The following MROH1 variants were observed in gnomAD, a reference collection of about 807,000 sequenced individuals.
The protein encoded by MROH1 is maestro heat like repeat family member 1.
MROH1 carries 117 observed loss-of-function variants against 116.5 expected under a neutral mutation model. That is an observed-to-expected ratio of 1.00 (90% confidence interval 0.86 to 1.17). MROH1 has a LOEUF of 1.17. MROH1 is among the 50% of genes most tolerant of loss of function. MROH1 has a pLI of 0.00. For missense variants in MROH1, 1,873 were observed against 1,338.5 expected (o/e 1.40, Z -6.23); for synonymous variants, 921 against 583.9 (o/e 1.58, Z -8.32).
chr8:144,240,630 GAGCTGTGCAGGC>G lies in MROH1; in HGVS notation c.1894_1905del (p.Cys632_Leu635del). The G allele has an allele frequency of 1.4e-6, 1 of 717,644 alleles. No homozygotes were observed. Among genetic ancestry groups the G allele is most frequent in the East Asian group, 2.7e-5 (1 of 37,302 alleles). The allele number at this position is 717,644 out of a possible 1,614,324, so 44.5% of individuals were successfully genotyped here. A position where few individuals can be genotyped will look rare whatever the true frequency, so the allele number is the denominator to read the frequency against. The stretch of plus-strand genomic sequence containing the variant: ...CGCGTGGATCTGCCAGCTGAGCCTG[GAGCTGTGCAGGC>G]AGCTGCCCTGCTACGATGAGGCACC... On this transcript the variant is annotated inframe_deletion, in exon 20 of 44. Coordinates refer to ENST00000326134, the MANE Select transcript of MROH1 (RefSeq NM_032450.3).
Position 144,255,593 on chromosome 8 carries a change from C to A in MROH1, c.3679C>A (p.Leu1227Ile). The change falls in exon 35 of 44, where the codon CTT (leucine) becomes ATT (isoleucine). Residue 1227 changes from leucine to isoleucine, a missense_variant. Coordinates refer to ENST00000326134, the MANE Select transcript of MROH1 (RefSeq NM_032450.3). Reference sequence around the variant, plus strand: ...GCTCTACCCCCAGCTGTTTGTGGTGCTTCTGCTGCGCGTCAGCTGCACCGT... The same window carrying A: ...GCTCTACCCCCAGCTGTTTGTGGTGATTCTGCTGCGCGTCAGCTGCACCGT... ...LELYPQLFVV[L>I]LLRVSCTVGV... The A allele has an allele frequency of 6.4e-6, 5 of 779,096 alleles. No homozygotes were observed. Among genetic ancestry groups the A allele is most frequent in the Non-Finnish European group, 1.2e-5 (5 of 417,730 alleles). The allele number at this position is 779,096 out of a possible 1,614,324, so 48.3% of individuals were successfully genotyped here. A position where few individuals can be genotyped will look rare whatever the true frequency, so the allele number is the denominator to read the frequency against.
chr8:144,172,851 C>CTT (rs1822853970), intron 4 of MROH1, among the ~76,000 whole-genome samples: 1 of 152,156 alleles, frequency 6.6e-6, no homozygotes, highest in South Asian at 2.1e-4. Flanking sequence ...GCCTGTAATT[C>CTT]TGTCCCCTAA....
chr8:144,258,685 G>A (rs2129928313), intron 35 of MROH1, 92 bp from the exon 36 acceptor site: 1 of 700,272 alleles, frequency 1.4e-6, no homozygotes, highest in East Asian at 2.7e-5. Flanking sequence ...CACCAGGTGG[G>A]CAACACGCAT....
At chr8:144,260,165 C>T in intron 38 of MROH1, 21 bp from the exon 39 acceptor site, 2 of 764,148 alleles carry the variant, frequency 2.6e-6, no homozygotes, top group Non-Finnish European at 2.4e-6. Flanking sequence ...GGGACCCAGG[C>T]TGAGTGTAAG....
chr8:144,162,794 C>T, intron 2 of MROH1, among the ~76,000 whole-genome samples: 1 of 134,352 alleles, frequency 7.4e-6, no homozygotes, highest in East Asian at 2.3e-4. Flanking sequence ...GTGTCCTTGG[C>T]TCACTACAAC....
At position 144,216,200 on chromosome 8, in the gene MROH1, C is replaced by T. The variant is rs182991084; in HGVS notation, c.1142-4400C>T. ...GTCTCAAAAAAAACAAAGAGCCTGG[C>T]TCAGTGGCTCATGCCTGTAATCCCA... On this transcript the variant is annotated intron_variant, in intron 12 of 43. Transcript: ENST00000326134. 2.0e-4 allele frequency among the ~76,000 whole-genome samples: 30 copies of T among 150,854 alleles called. No homozygotes were observed. In the East Asian group the frequency reaches 4.9e-3, roughly 25 times the overall value.
Position 144,190,952 on chromosome 8 carries a change from C to T in MROH1, c.714+17C>T, listed in dbSNP as rs1205726036. 5.0e-6 allele frequency: 8 copies of T among 1,610,606 alleles called. No homozygotes were observed. The highest frequency in any genetic ancestry group is 5.9e-6 in the Non-Finnish European group (7 of 1,178,736). ...GAAGCCAAGGTATGCCCCGTGGCTG[C>T]ATCAGTCCACGCCTGATGCCAGGGC... On this transcript the variant is annotated intron_variant, in intron 8 of 43. Transcript: ENST00000326134.
intron 7 of MROH1, among the ~76,000 whole-genome samples, chr8:144,190,474 C>T (rs1828280119): frequency 6.6e-6 from 1 of 152,168 alleles, no homozygotes; most frequent in African/African-American, 2.4e-5. Context: ...GAGCTGAGAT[C>T]AAGCCACTGC....
At position 144,255,823 on chromosome 8, in the gene MROH1, T is replaced by A. The variant is rs1161327941; in HGVS notation, c.3791+118T>A. The A allele has an allele frequency of 6.2e-6, 4 of 643,274 alleles. No individual in the cohort carries two copies. In the South Asian group the frequency reaches 7.1e-5, roughly 11 times the overall value. 39.8% of individuals were successfully genotyped at this position (643,274 alleles called of 1,614,324 possible). ...ACCACGGGGAGTGTGGGAGTGACTT[T>A]GCTTCCAGGGAGCTGGCGCCTCACC... On this transcript the variant is annotated intron_variant, in intron 35 of 43. Transcript: ENST00000326134.
intron 33 of MROH1, chr8:144,251,679 C>T (rs1302655922): frequency 6.6e-6 from 1 of 152,368 alleles, no homozygotes; most frequent in Non-Finnish European, 1.5e-5. Flanking sequence ...GTGATTACCG[C>T]CTGGCTCATC....
intron 4 of MROH1, among the ~76,000 whole-genome samples, chr8:144,168,940 C>T (rs1452385308): frequency 6.6e-6 from 1 of 152,230 alleles, no homozygotes; most frequent in African/African-American, 2.4e-5. Context: ...ATGTCCTGTC[C>T]TCCCACTCAG....
intron 1 of MROH1, chr8:144,148,975 A>T (rs1816084756): frequency 1.3e-5 from 2 of 152,468 alleles, no homozygotes; most frequent in Non-Finnish European, 2.9e-5. Context: ...ACCACTTTGG[A>T]AGGGGATGGT....
rs114612027 is a variant in MROH1 at position 144,182,337 on chromosome 8, G to T, written c.562+1814G>T. 7.3e-3 allele frequency among the ~76,000 whole-genome samples: 1,111 copies of T among 152,312 alleles called. 13 individuals are homozygous for T. Among genetic ancestry groups the T allele is most frequent in the African/African-American group, 0.025 (1,041 of 41,558 alleles). On this transcript the variant is annotated intron_variant, in intron 7 of 43. Transcript: ENST00000326134. This position sits in a 1 kb window ranked among gnomAD's most constrained non-coding sequence, Gnocchi z 4.1. Reference sequence around the variant, plus strand: ...TGGCCTGGCCACGCCGTCCAGCAGGGCAGGCATCCAGTAATTCCTCCCGGC... The same window carrying T: ...TGGCCTGGCCACGCCGTCCAGCAGGTCAGGCATCCAGTAATTCCTCCCGGC...
At position 144,250,261 on chromosome 8, in the gene MROH1, G is replaced by A; in HGVS notation, c.3323G>A (p.Gly1108Glu). 1 of 768,150 alleles carries A rather than the reference G, an allele frequency of 1.3e-6. No individual in the cohort carries two copies. Among genetic ancestry groups the A allele is most frequent in the Non-Finnish European group, 2.4e-6 (1 of 416,602 alleles). 47.6% of individuals were successfully genotyped at this position (768,150 alleles called of 1,614,324 possible). A position where few individuals can be genotyped will look rare whatever the true frequency, so the allele number is the denominator to read the frequency against. ...CGCTCCAAGCTTCAGGAGGCCCAGG[G>A]AGAGCACGTCCTGCCGGCCGCCCAG... ...VLRSKLQEAQ[G>E]EHVLPAAQHS... The change falls in exon 33 of 44, where the codon GGA (glycine) becomes GAA (glutamate). Residue 1108 changes from glycine (G) to glutamate (E), a missense_variant. Coordinates refer to ENST00000326134, the MANE Select transcript of MROH1 (RefSeq NM_032450.3).
In MROH1 at chr8:144,180,032, C is replaced by T. The variant is rs556323978; in HGVS notation, c.301-146C>T. 14 of 909,592 alleles carry T rather than the reference C, an allele frequency of 1.5e-5. No individual in the cohort carries two copies. The highest frequency in any genetic ancestry group is 2.4e-5 in the Non-Finnish European group (14 of 588,208). The allele number at this position is 909,592 out of a possible 1,614,324, so 56.3% of individuals were successfully genotyped here. On this transcript the variant is annotated intron_variant, in intron 5 of 43. Transcript: ENST00000326134. This position sits in a 1 kb window ranked among gnomAD's most constrained non-coding sequence, Gnocchi z 7.4. ...TGGGGTCTCCTCAGCAGCCCCTCAG[C>T]AGAGGAGGCTGTGCCCGCCACCTTC...
At chr8:144,185,382 TTA>T (rs1462637921) in intron 7 of MROH1, among the ~76,000 whole-genome samples, 1 of 151,962 alleles carries the variant, frequency 6.6e-6, no homozygotes, top group African/African-American at 2.4e-5. Flanking sequence ...TGGCAAAACG[TTA>T]TGTTTTATAC....
chr8:144,247,480 G>A (rs1842098199), intron 30 of MROH1, 44 bp downstream of exon 30: 4 of 765,058 alleles, frequency 5.2e-6, no homozygotes, highest in Non-Finnish European at 7.3e-6. Flanking sequence ...TCGTGCAGGG[G>A]TGCTTGGAGG....
chr8:144,163,385 G>A lies in MROH1; in HGVS notation c.-56-386G>A, dbSNP rs942878781. Among the ~76,000 whole-genome samples the A allele has an allele frequency of 2.0e-5, 3 of 152,218 alleles. No individual in the cohort carries two copies. Among genetic ancestry groups the A allele is most frequent in the African/African-American group, 7.2e-5 (3 of 41,462 alleles). ...AGGGACCATTGTTGCATGCAGTGGC[G>A]CATGGCATGTGATGTGTGAAAGCTG... On this transcript the variant is annotated intron_variant, in intron 2 of 43. Transcript: ENST00000326134. This position sits in a 1 kb window ranked among gnomAD's most constrained non-coding sequence, Gnocchi z 4.4.
rs1177251936 is a variant in MROH1 at position 144,244,343 on chromosome 8, C to T, written c.2670+7C>T. On this transcript the variant is annotated splice_region_variant and intron_variant, in intron 27 of 43. Coordinates refer to ENST00000326134, the MANE Select transcript of MROH1 (RefSeq NM_032450.3). Reference sequence around the variant, plus strand: ...GGACGGAGGCTGCCAGAAGGTATCCCTGTGTTTCCCTTGCCTGTGTCCACA... The same window carrying T: ...GGACGGAGGCTGCCAGAAGGTATCCTTGTGTTTCCCTTGCCTGTGTCCACA... 5 of 720,400 alleles carry T rather than the reference C, an allele frequency of 6.9e-6. No homozygotes were observed. The highest frequency in any genetic ancestry group is 1.3e-5 in the Non-Finnish European group (5 of 386,088). 44.6% of individuals were successfully genotyped at this position (720,400 alleles called of 1,614,324 possible).
Sources: allele counts gnomAD v4.1 joint callset (sites outside exome capture counted in the v4.1 genomes callset), GRCh38; gene constraint gnomAD v4.1.1; non-coding constraint Gnocchi (gnomAD v3.1); transcripts MANE v1.5; gene names NCBI Gene and HGNC (gene_info 2026-07-23, HGNC 2026-07-21).